The following LARGE1 variants were observed in gnomAD, a reference collection of about 807,000 sequenced individuals.
The protein encoded by LARGE1 is LARGE xylosyl- and glucuronyltransferase 1, also known as xylosyl- and glucuronyltransferase LARGE1.
A neutral mutation model predicts 87.6 loss-of-function variants in LARGE1; 43 were observed. That is an observed-to-expected ratio of 0.49 (90% CI 0.38 to 0.63). The LOEUF (loss-of-function observed/expected upper bound fraction) is 0.63. LARGE1 is among the 30% of genes least tolerant of loss of function. The pLI, the probability that LARGE1 is intolerant of heterozygous loss-of-function variation, is 0.00. For missense variants in LARGE1, 802 were observed against 1,000.2 expected, an observed-to-expected ratio of 0.80 and a Z score of 2.67; for synonymous variants, 434 against 394.6, an observed-to-expected ratio of 1.10 and a Z score of -1.18.
chr22:33,156,883 C>A, the LARGE1 span, among the ~76,000 whole-genome samples: 35 of 152,154 alleles, frequency 2.3e-4, no homozygotes, highest in South Asian at 2.3e-3. Flanking sequence ...GGTGGCAGGT[C>A]TTTCCTGTGC....
Position 33,828,873 on chromosome 22 carries a change from C to G in LARGE1, c.-82-67315G>C, listed in dbSNP as rs557358867. On this transcript the variant is annotated intron_variant, in intron 1 of 14. Transcript: ENST00000397394. ...CAGCCACCACAGCCTCCTTGCTAAT[C>G]AAGGTCCGTGTACTTGCTATTCCCT... 3.9e-5 allele frequency among the ~76,000 whole-genome samples: 6 copies of G among 152,302 alleles called. No homozygotes were observed. In the South Asian group the frequency reaches 1.2e-3, roughly 32 times the overall value.
the LARGE1 span, among the ~76,000 whole-genome samples, chr22:33,070,605 C>A: frequency 6.6e-6 from 1 of 152,180 alleles, no homozygotes; most frequent in Non-Finnish European, 1.5e-5. Flanking sequence ...CTTGTAATGA[C>A]CCCTTCCCTC....
intron 7 of LARGE1, among the ~76,000 whole-genome samples, chr22:33,409,958 G>T (rs544750753): frequency 6.6e-6 from 1 of 152,136 alleles, no homozygotes; most frequent in Admixed American, 6.5e-5. Context: ...AGAAAAATAG[G>T]GTATAGGTAA....
At chr22:33,509,881 G>T (rs552528606) in intron 6 of LARGE1, among the ~76,000 whole-genome samples, 2 of 152,140 alleles carry the variant, frequency 1.3e-5, no homozygotes, top group African/African-American at 4.8e-5. Context: ...AAAAGTGAGC[G>T]GTGCATGTTT....
intron 7 of LARGE1, among the ~76,000 whole-genome samples, chr22:33,409,524 G>A (rs904872944): frequency 6.6e-6 from 1 of 152,110 alleles, no homozygotes; most frequent in Admixed American, 6.5e-5. Flanking sequence ...GCAGTCTGAG[G>A]CTAGGATTCT....
At chr22:33,664,027 G>A (rs2081201529) in intron 2 of LARGE1, among the ~76,000 whole-genome samples, 1 of 152,098 alleles carries the variant, frequency 6.6e-6, no homozygotes, top group African/African-American at 2.4e-5. Flanking sequence ...CTTCCACAAC[G>A]TAGATAAGGT....
At chr22:33,188,221 G>A (rs1203984414) in intron 11 of LARGE1, among the ~76,000 whole-genome samples, 1 of 152,030 alleles carries the variant, frequency 6.6e-6, no homozygotes, top group African/African-American at 2.4e-5. Flanking sequence ...ATGGTATTTT[G>A]TTATAGCAAT....
At chr22:33,816,667 G>GATGC (rs909866655) in intron 1 of LARGE1, among the ~76,000 whole-genome samples, 154 of 80,866 alleles carry the variant, frequency 1.9e-3, no homozygotes, top group African/African-American at 6.0e-3. Context: ...CGGATGCACG[G>GATGC]ATGGATGGAT....
chr22:33,239,152 A>G (rs184459185), intron 11 of LARGE1, among the ~76,000 whole-genome samples: 6 of 152,098 alleles, frequency 3.9e-5, no homozygotes, highest in Admixed American at 3.3e-4. Flanking sequence ...TTTATAAACC[A>G]TAATAGAATA....
intron 9 of LARGE1, among the ~76,000 whole-genome samples, chr22:33,344,558 C>A (rs1017141637): frequency 1.2e-4 from 19 of 152,064 alleles, no homozygotes; most frequent in Non-Finnish European, 5.9e-5. Context: ...AAGTAGAGGC[C>A]AGCTTCTGTC....
At chr22:33,171,288 G>A (rs1922558919) in intron 11 of LARGE1, among the ~76,000 whole-genome samples, 2 of 152,166 alleles carry the variant, frequency 1.3e-5, no homozygotes, top group Admixed American at 6.5e-5. Flanking sequence ...GAGCATAAAG[G>A]TTTGGAAAAT....
intron 7 of LARGE1, among the ~76,000 whole-genome samples, chr22:33,422,135 C>T (rs1429034291): frequency 1.3e-5 from 2 of 152,348 alleles, no homozygotes; most frequent in East Asian, 3.9e-4. Flanking sequence ...CTGGCAACAC[C>T]TCCAACCTTC....
intron 1 of LARGE1, among the ~76,000 whole-genome samples, chr22:33,838,308 A>C (rs1299758156): frequency 6.6e-6 from 1 of 152,162 alleles, no homozygotes; most frequent in Non-Finnish European, 1.5e-5. Flanking sequence ...TTCAATCTTC[A>C]GTGACTCATA....
intron 6 of LARGE1, among the ~76,000 whole-genome samples, chr22:33,530,567 C>T (rs1201772374): frequency 1.3e-5 from 2 of 151,354 alleles, no homozygotes; most frequent in Non-Finnish European, 2.9e-5. Flanking sequence ...AGAAAACGTC[C>T]TTCTCCTTTA....
At chr22:33,649,523 C>A (rs1005915819) in intron 3 of LARGE1, among the ~76,000 whole-genome samples, 1 of 152,162 alleles carries the variant, frequency 6.6e-6, no homozygotes, top group Admixed American at 6.5e-5. Flanking sequence ...CTGTTTAATT[C>A]TCACAAATAC....
chr22:33,884,684 AC>A (rs1288822504), intron 1 of LARGE1, among the ~76,000 whole-genome samples: 1 of 152,178 alleles, frequency 6.6e-6, no homozygotes, highest in Non-Finnish European at 1.5e-5. Context: ...TAATCTGCCT[AC>A]CCAGGGAAGG....
the LARGE1 span, among the ~76,000 whole-genome samples, chr22:33,107,138 C>T: frequency 6.6e-6 from 1 of 152,184 alleles, no homozygotes; most frequent in Non-Finnish European, 1.5e-5. Context: ...CAATGATACT[C>T]TCTCTCTCAG....
chr22:33,630,179 AC>A (rs2080061832), intron 3 of LARGE1, among the ~76,000 whole-genome samples: 1 of 152,100 alleles, frequency 6.6e-6, no homozygotes, highest in Non-Finnish European at 1.5e-5. Flanking sequence ...AGCCTGGGCA[AC>A]AAGAACAAAA....
the LARGE1 span, among the ~76,000 whole-genome samples, chr22:33,132,462 C>T: frequency 6.6e-6 from 1 of 150,614 alleles, no homozygotes; most frequent in East Asian, 1.9e-4. Flanking sequence ...GAATTACAGG[C>T]ATGAGCCACT....
Sources: gnomAD v4.1 joint callset for allele counts (sites outside exome capture counted in the v4.1 genomes callset) on GRCh38, gnomAD v4.1.1 for gene constraint, MANE v1.5 for transcripts, NCBI Gene and HGNC (gene_info 2026-07-23, HGNC 2026-07-21) for gene names.